ZNF148: variants seen among roughly 807,000 people sequenced by gnomAD.
The protein encoded by ZNF148 is Beta-Enolase Repressor Factor-1.
A neutral mutation model predicts 67.7 loss-of-function variants in ZNF148; 7 were observed. The ratio of observed to expected loss-of-function variants is 0.10; its 90% CI spans 0.06 to 0.19. ZNF148 has a LOEUF of 0.19. ZNF148 is among the 10% of genes least tolerant of loss of function. The pLI is 1.00. For synonymous variants in ZNF148, 333 were observed against 330.7 expected, an observed-to-expected ratio of 1.01 and a Z score of -0.08; for missense variants, 583 against 947.1, an observed-to-expected ratio of 0.62 and a Z score of 5.05.
chr3:125,350,611 G>A (rs557299088), intron 1 of ZNF148, among the ~76,000 whole-genome samples: 8 of 152,286 alleles, frequency 5.3e-5, no homozygotes, highest in African/African-American at 1.9e-4. Flanking sequence ...TAGATCATCA[G>A]GCATTAGATT....
chr3:125,336,481 A>G (rs1158377062), intron 1 of ZNF148, among the ~76,000 whole-genome samples: 2 of 152,142 alleles, frequency 1.3e-5, no homozygotes, highest in Non-Finnish European at 2.9e-5. Context: ...CAAAGAACAG[A>G]CGTATGTGTT....
chr3:125,357,558 A>G (rs558120661), intron 1 of ZNF148, among the ~76,000 whole-genome samples: 2 of 149,776 alleles, frequency 1.3e-5, no homozygotes, highest in South Asian at 4.2e-4. Context: ...CCCACCCGCC[A>G]CCACGCAGCT....
intron 7 of ZNF148, among the ~76,000 whole-genome samples, chr3:125,272,604 TTA>T (rs562779339): frequency 1.4e-5 from 2 of 143,144 alleles, no homozygotes; most frequent in South Asian, 2.3e-4. Context: ...TTTAATATTT[TTA>T]TATATATCAG....
At chr3:125,321,443 T>A (rs1940767537) in intron 3 of ZNF148, among the ~76,000 whole-genome samples, 2 of 152,110 alleles carry the variant, frequency 1.3e-5, no homozygotes, top group South Asian at 4.1e-4. Context: ...AAATAATTTA[T>A]AAATATTTGA....
chr3:125,326,812 A>G (rs1281437491), intron 2 of ZNF148, among the ~76,000 whole-genome samples: 1 of 147,410 alleles, frequency 6.8e-6, no homozygotes, highest in Non-Finnish European at 1.5e-5. Flanking sequence ...TTATATATGT[A>G]AAGATATATA....
intron 1 of ZNF148, among the ~76,000 whole-genome samples, chr3:125,372,187 A>C (rs1263906619): frequency 6.6e-6 from 1 of 152,220 alleles, no homozygotes; most frequent in Non-Finnish European, 1.5e-5. Flanking sequence ...GGTTCCTACA[A>C]CATGGTCTTT....
At chr3:125,325,682 C>T (rs1233618041) in intron 2 of ZNF148, among the ~76,000 whole-genome samples, 1 of 152,082 alleles carries the variant, frequency 6.6e-6, no homozygotes, top group East Asian at 1.9e-4. Context: ...CCAAGCTGGT[C>T]TCGAACTCCT....
At position 125,232,492 on chromosome 3, in the gene ZNF148, G is replaced by C. The variant is rs1166564108; in HGVS notation, c.2234C>G (p.Ala745Gly). ...APYHGSRAGIATQFSTANGQV... is the reference protein window; with the variant it reads ...APYHGSRAGIGTQFSTANGQV... The stretch of plus-strand genomic sequence containing the variant: ...TCCATTGGCAGTGCTAAATTGAGTA[G>C]CTATTCCAGCTCTTGATCCATGATA... The change falls in exon 9 of 9, where the codon GCT becomes GGT. Residue 745 changes from alanine to glycine, a missense_variant. By Grantham distance (60) the Ala-to-Gly change is moderately conservative (BLOSUM62 0). Coordinates refer to ENST00000360647, the MANE Select transcript of ZNF148 (RefSeq NM_021964.3). The surrounding 1 kb of genome is among the most constrained non-coding windows in gnomAD (Gnocchi z 4.2). 3 of 1,613,688 alleles carry C rather than the reference G, an allele frequency of 1.9e-6. No homozygotes were observed. The highest frequency in any genetic ancestry group is 2.5e-6 in the Non-Finnish European group (3 of 1,179,736).
In ZNF148 at chr3:125,346,520, T is replaced by C. The variant is rs575937274; in HGVS notation, c.-233-15282A>G. On this transcript the variant is annotated intron_variant, in intron 1 of 8. Transcript: ENST00000360647. ...ACCCAAATTTGATCTCGAATTGTAA[T>C]CCCCACATATCAAGACAGGGACCTG... is the stretch of plus-strand genomic sequence containing the variant. Among the ~76,000 whole-genome samples the C allele has an allele frequency of 1.2e-4, 18 of 152,238 alleles. 1 individual carries two copies. The South Asian group carries it at 3.7e-3, about 32-fold the overall frequency.
intron 1 of ZNF148, among the ~76,000 whole-genome samples, chr3:125,345,925 C>T (rs1167196183): frequency 6.6e-6 from 1 of 152,068 alleles, no homozygotes; most frequent in Non-Finnish European, 1.5e-5. Context: ...AGAATTAATA[C>T]CAACTGTTCA....
chr3:125,234,122 A>G, intron 8 of ZNF148, 89 bp downstream of exon 8: 1 of 1,220,472 alleles, frequency 8.2e-7, no homozygotes, highest in South Asian at 1.5e-5. Flanking sequence ...GGCCCCTTAA[A>G]TAGCTCTAAG....
intron 1 of ZNF148, among the ~76,000 whole-genome samples, chr3:125,374,826 G>A (rs1223677457): frequency 1.3e-5 from 2 of 150,988 alleles, no homozygotes; most frequent in Admixed American, 6.6e-5. Context: ...TCTGACACCC[G>A]CCTCCAGCCT....
intron 7 of ZNF148, among the ~76,000 whole-genome samples, chr3:125,267,780 C>A (rs1315210400): frequency 6.6e-6 from 1 of 152,154 alleles, no homozygotes; most frequent in Non-Finnish European, 1.5e-5. Context: ...AAAAGAGACA[C>A]TCAAATTATC....
intron 1 of ZNF148, among the ~76,000 whole-genome samples, chr3:125,333,945 C>G (rs2107717356): frequency 6.6e-6 from 1 of 152,248 alleles, no homozygotes; most frequent in Middle Eastern, 3.4e-3. Context: ...TGTATCTATG[C>G]TATCAATCAA....
chr3:125,354,153 T>G (rs1026626751), intron 1 of ZNF148, among the ~76,000 whole-genome samples: 6 of 152,128 alleles, frequency 3.9e-5, no homozygotes, highest in African/African-American at 1.4e-4. Flanking sequence ...TAAATAAATT[T>G]CTTACATAAA....
chr3:125,232,786 T>C lies in ZNF148; in HGVS notation c.1940A>G (p.Asp647Gly). The C allele has an allele frequency of 6.2e-7, 1 of 1,613,820 alleles. No homozygotes were observed. The highest frequency in any genetic ancestry group is 8.5e-7 in the Non-Finnish European group (1 of 1,179,806). ...LPNQPAFSSI[D>G]KQVYATMPIN... is the part of the protein sequence containing the mutation. Reference sequence around the variant, plus strand: ...GGGCATGGTGGCATAGACCTGCTTGTCTATGGAAGAGAATGCTGGCTGATT... The same window carrying C: ...GGGCATGGTGGCATAGACCTGCTTGCCTATGGAAGAGAATGCTGGCTGATT... The change falls in exon 9 of 9, where the codon GAC becomes GGC. Residue 647 changes from aspartate to glycine, a missense_variant. Physicochemically the swap from Asp to Gly is moderately conservative, Grantham distance 94. This residue lies in a region of ZNF148 where 158 missense variants were observed against 208.4 expected (regional missense o/e 0.76). Coordinates refer to ENST00000360647, the MANE Select transcript of ZNF148 (RefSeq NM_021964.3). The surrounding 1 kb of genome is among the most constrained non-coding windows in gnomAD (Gnocchi z 4.2).
intron 1 of ZNF148, among the ~76,000 whole-genome samples, chr3:125,367,809 G>C (rs1455276797): frequency 1.3e-5 from 2 of 152,170 alleles, no homozygotes; most frequent in Non-Finnish European, 2.9e-5. Context: ...GTAATTTGTG[G>C]GGTACAGGCT....
chr3:125,237,934 C>T (rs1269236946), intron 7 of ZNF148, among the ~76,000 whole-genome samples: 1 of 152,124 alleles, frequency 6.6e-6, no homozygotes, highest in African/African-American at 2.4e-5. Flanking sequence ...AGCTTAAGGA[C>T]AAGACATACA....
At chr3:125,356,325 G>A (rs541032207) in intron 1 of ZNF148, among the ~76,000 whole-genome samples, 6 of 152,244 alleles carry the variant, frequency 3.9e-5, no homozygotes, top group African/African-American at 1.4e-4. Context: ...GGGCATAAGA[G>A]ACCCAGAGTC....
Sources: allele counts gnomAD v4.1 joint callset (sites outside exome capture counted in the v4.1 genomes callset), GRCh38; gene constraint gnomAD v4.1.1; regional missense constraint gnomAD v4.1.1; non-coding constraint Gnocchi (gnomAD v3.1); transcripts MANE v1.5; gene names NCBI Gene and HGNC (gene_info 2026-07-23, HGNC 2026-07-21).